The following PASD1 variants were observed in gnomAD, a reference collection of about 807,000 sequenced individuals.
PASD1 encodes the protein circadian clock protein PASD1.
Under a neutral mutation model 58.8 loss-of-function variants are expected in PASD1, and 13 were observed. That is an observed-to-expected ratio of 0.22 (90% confidence interval 0.14 to 0.35). PASD1 has a LOEUF of 0.35. Among genes scored for constraint, PASD1 ranks in the 10% least tolerant of loss-of-function variants. PASD1 has a pLI of 1.00. For synonymous variants in PASD1, 236 were observed against 216.7 expected, an observed-to-expected ratio of 1.09 and a Z score of -0.78; for missense variants, 734 against 568.3, an observed-to-expected ratio of 1.29 and a Z score of -2.96.
At chrX:151,649,083 A>G (rs1025695998) in intron 9 of PASD1, among the ~76,000 whole-genome samples, 4 of 111,959 alleles carry the variant, frequency 3.6e-5, no homozygotes, top group Non-Finnish European at 7.5e-5. Context: ...TGTATCATCA[A>G]TTTATTCATT....
Position 151,625,443 on chromosome X carries a change from T to G in PASD1, c.547-5T>G. The G allele has an allele frequency of 8.3e-7, 1 of 1,198,036 alleles. No homozygotes were observed. Among genetic ancestry groups the G allele is most frequent in the Non-Finnish European group, 1.1e-6 (1 of 886,700 alleles). ...AAATGTCTAAATATTTGAATTTTTC[T>G]GCAGCAACTTTACACTTCAAAGGCA... On this transcript the variant is annotated splice_polypyrimidine_tract_variant and splice_region_variant and intron_variant, in intron 7 of 15. Transcript: ENST00000370357.
Position 151,674,201 on chromosome X carries a change from C to T in PASD1, c.2175+15C>T. On this transcript the variant is annotated intron_variant, in intron 15 of 15. Transcript: ENST00000370357. ...CCTACCATCAGGTATGGGACAGCCC[C>T]CTCCTTTTCCTTCCAGCGCAGGTCA... 1 of 1,209,859 alleles carries T rather than the reference C, an allele frequency of 8.3e-7. No homozygotes were observed. Among genetic ancestry groups the T allele is most frequent in the Non-Finnish European group, 1.1e-6 (1 of 894,244 alleles).
At chrX:151,620,767 G>A (rs1402031853) in intron 4 of PASD1, among the ~76,000 whole-genome samples, 163 bp from the exon 5 acceptor site, 1 of 110,576 alleles carries the variant, frequency 9.0e-6, no homozygotes, top group African/African-American at 3.3e-5. Flanking sequence ...ATTTTTTAGA[G>A]GTACAACAGG....
Position 151,639,368 on chromosome X carries a change from T to C in PASD1, c.630-9247T>C, listed in dbSNP as rs180737544. ...ATTTCCCATGAAACTGTAAGATCCA[T>C]GAGACTGTGTTTGCAGTGCCCAGTA... On this transcript the variant is annotated intron_variant, in intron 8 of 15. Transcript: ENST00000370357. 7.1e-5 allele frequency among the ~76,000 whole-genome samples: 8 copies of C among 112,413 alleles called. No individual in the cohort carries two copies. The East Asian group carries it at 2.0e-3, about 28-fold the overall frequency.
At chrX:151,591,331 A>C (rs866362147) in intron 1 of PASD1, among the ~76,000 whole-genome samples, 5 of 111,468 alleles carry the variant, frequency 4.5e-5, no homozygotes, top group Admixed American at 9.5e-5. Context: ...GTGTGTGTAC[A>C]CACACATCTA....
At chrX:151,569,787 C>T (rs1358273672) in intron 1 of PASD1, among the ~76,000 whole-genome samples, 1 of 110,376 alleles carries the variant, frequency 9.1e-6, no homozygotes, top group Non-Finnish European at 1.9e-5. Flanking sequence ...CATCAGGTAG[C>T]CAAGAGTCAG....
chrX:151,601,637 T>G, intron 2 of PASD1, 56 bp downstream of exon 2: 1 of 1,133,117 alleles, frequency 8.8e-7, no homozygotes, highest in Admixed American at 2.3e-5. Flanking sequence ...TCGTCCTGTG[T>G]TCCCGTTTCA....
Position 151,604,673 on chromosome X carries a change from G to A in PASD1, c.56G>A (p.Arg19Lys), listed in dbSNP as rs200330958. 9.9e-5 allele frequency: 119 copies of A among 1,206,033 alleles called. No homozygotes were observed. Among genetic ancestry groups the A allele is most frequent in the Non-Finnish European group, 4.4e-5 (39 of 892,594 alleles). ...RDKVNPKSSQRKLNWIPSFPT... is the reference protein window; with the variant it reads ...RDKVNPKSSQKKLNWIPSFPT... ...AAAGTCAATCCAAAAAGCTCTCAAA[G>A]GAAATTAAACTGGATTCCATCATTT... Residue 19 changes from arginine (R) to lysine (K), a missense_variant, in exon 3 of 16, where the codon AGG (arginine) becomes AAG (lysine). By Grantham distance (26) the Arg-to-Lys change is conservative. Coordinates refer to ENST00000370357, the MANE Select transcript of PASD1 (RefSeq NM_173493.3).
intron 3 of PASD1, among the ~76,000 whole-genome samples, chrX:151,609,763 T>C (rs2013530861): frequency 9.1e-6 from 1 of 109,305 alleles, no homozygotes; most frequent in Non-Finnish European, 1.9e-5. Flanking sequence ...TCTGTGAGCA[T>C]AGGTGTACAC....
chrX:151,626,014 C>T (rs2013782108), intron 8 of PASD1, among the ~76,000 whole-genome samples: 2 of 111,633 alleles, frequency 1.8e-5, no homozygotes, highest in African/African-American at 6.5e-5. Flanking sequence ...TCATATAATT[C>T]ACATTTTTCC....
At chrX:151,566,895 C>T (rs2012850481) in intron 1 of PASD1, among the ~76,000 whole-genome samples, 1 of 108,611 alleles carries the variant, frequency 9.2e-6, no homozygotes, top group African/African-American at 3.3e-5. Context: ...GGAAAAACCC[C>T]GTCTCTACTA....
intron 1 of PASD1, among the ~76,000 whole-genome samples, chrX:151,575,209 A>ATT (rs771942172): frequency 3.5e-3 from 190 of 54,597 alleles, no homozygotes; most frequent in African/African-American, 0.01. Flanking sequence ...GTTTAAGACC[A>ATT]TTTTTTTTTT....
Position 151,609,680 on chromosome X carries a change from AC to A in PASD1, c.118-1983del, listed in dbSNP as rs754838472. 4.1e-3 allele frequency among the ~76,000 whole-genome samples: 453 copies of A among 111,752 alleles called. 3 individuals are homozygous for A. Among genetic ancestry groups the A allele is most frequent in the African/African-American group, 0.014 (422 of 30,841 alleles). On this transcript the variant is annotated intron_variant, in intron 3 of 15. Coordinates refer to ENST00000370357, the MANE Select transcript of PASD1 (RefSeq NM_173493.3). ...GCTGAATAATATTTTGTTGTTTGTT[AC>A]GCATTTTGGTTATACATTCATCTGT...
chrX:151,659,610 A>G, intron 9 of PASD1, 103 bp from the exon 10 acceptor site: 1 of 823,500 alleles, frequency 1.2e-6, no homozygotes, highest in Non-Finnish European at 1.7e-6. Context: ...CAGTGTTAGA[A>G]ATTGTGATGT....
At chrX:151,581,514 C>T (rs2013094160) in intron 1 of PASD1, among the ~76,000 whole-genome samples, 2 of 109,984 alleles carry the variant, frequency 1.8e-5, no homozygotes, top group Non-Finnish European at 1.9e-5. Context: ...CACTTGAGCC[C>T]GGAGTTTGAG....
At chrX:151,600,072 G>A (rs957793410) in intron 1 of PASD1, among the ~76,000 whole-genome samples, 5 of 112,198 alleles carry the variant, frequency 4.5e-5, no homozygotes, top group African/African-American at 9.7e-5. Context: ...AGACCAGCCC[G>A]GCCAACAAGG....
At chrX:151,673,825 C>G in intron 14 of PASD1, 103 bp from the exon 15 acceptor site, 1 of 1,045,144 alleles carries the variant, frequency 9.6e-7, no homozygotes, top group Non-Finnish European at 1.3e-6. Flanking sequence ...GGTGTAGCCA[C>G]CAAAACCAAA....
At chrX:151,644,568 C>T (rs960563855) in intron 8 of PASD1, among the ~76,000 whole-genome samples, 2 of 111,332 alleles carry the variant, frequency 1.8e-5, no homozygotes, top group African/African-American at 6.5e-5. Flanking sequence ...TACAAAAGAA[C>T]AATTGTAAAG....
chrX:151,611,667 T>C lies in PASD1; in HGVS notation c.121T>C (p.Leu41=). The C allele has an allele frequency of 1.7e-6, 2 of 1,173,129 alleles. No individual in the cohort carries two copies. The highest frequency in any genetic ancestry group is 2.3e-6 in the Non-Finnish European group (2 of 870,138). Residue 41 remains leucine (L), a synonymous_variant, in exon 4 of 16, where the codon TTA becomes CTA. Coordinates refer to ENST00000370357, the MANE Select transcript of PASD1 (RefSeq NM_173493.3). ...ATTATTATTCTCTCGTCATTAGTTA[T>C]TAGATGGCTTTATGATTACACTGAG... ...DYFNQVTLQL[L]DGFMITLSTD... is the part of the protein sequence containing the mutation.
Sources: allele counts gnomAD v4.1 joint callset (sites outside exome capture counted in the v4.1 genomes callset), GRCh38; gene constraint gnomAD v4.1.1; transcripts MANE v1.5; gene names NCBI Gene and HGNC (gene_info 2026-07-23, HGNC 2026-07-21).